The following ZNF404 variants were observed in gnomAD, a reference collection of about 807,000 sequenced individuals.
ZNF404 encodes the protein zinc finger protein 404.
Under a neutral mutation model 7.3 loss-of-function variants are expected in ZNF404, and 7 were observed. That is an observed-to-expected ratio of 0.95 (90% confidence interval 0.54 to 1.79). The LOEUF (loss-of-function observed/expected upper bound fraction) is 1.79, where lower values mean the gene tolerates loss of function less well. Among genes scored for constraint, ZNF404 ranks in the 40% most tolerant of loss-of-function variants. The pLI, the probability that ZNF404 is intolerant of heterozygous loss-of-function variation, is 0.00. For missense variants in ZNF404, 560 were observed against 661.5 expected (o/e 0.85, Z 1.68); for synonymous variants, 191 against 209.9 (o/e 0.91, Z 0.78).
At chr19:43,876,286 C>G (rs1971849855) in intron 2 of ZNF404, among the ~76,000 whole-genome samples, 1 of 151,862 alleles carries the variant, frequency 6.6e-6, no homozygotes, top group Non-Finnish European at 1.5e-5. Context: ...TGTACTCTAG[C>G]CTGGGCGACA....
chr19:43,873,509 T>A lies in ZNF404; in HGVS notation c.705A>T (p.Lys235Asn), dbSNP rs1486129852. 6.2e-7 allele frequency: 1 copy of A among 1,613,486 alleles called. No individual in the cohort carries two copies. The highest frequency in any genetic ancestry group is 8.5e-7 in the Non-Finnish European group (1 of 1,179,566). Residue 235 changes from lysine (K) to asparagine (N), a missense_variant, in exon 3 of 3, where the codon AAA becomes AAT. By Grantham distance (94) the Lys-to-Asn change is moderately conservative (BLOSUM62 0). Transcript: ENST00000587539. ...RRHSHLTEHQ[K>N]IHVGLKPFEC... ...CAAAGGGTTTCAAGCCAACATGAAT[T>A]TTCTGATGTTCTGTAAGGTGAGAAT...
At chr19:43,879,283 A>C (rs1971876260) in intron 2 of ZNF404, among the ~76,000 whole-genome samples, 1 of 152,212 alleles carries the variant, frequency 6.6e-6, no homozygotes. Flanking sequence ...AAAACAGAAT[A>C]AGTGAGCTGG....
chr19:43,874,458 A>G (rs1281602874), intron 2 of ZNF404, among the ~76,000 whole-genome samples: 1 of 102,488 alleles, frequency 9.8e-6, no homozygotes, highest in African/African-American at 3.8e-5. Flanking sequence ...TGCTCTCTAT[A>G]TAATTGTCAG....
In ZNF404 at chr19:43,880,063, C is replaced by T. The variant is rs372787761; in HGVS notation, c.83G>A (p.Arg28Lys). 8 of 1,613,654 alleles carry T rather than the reference C, an allele frequency of 5.0e-6. No individual in the cohort carries two copies. Among genetic ancestry groups the T allele is most frequent in the Admixed American group, 1.7e-5 (1 of 59,988 alleles). ...EEWEYLNSDQRDLYRDVMLEN... is the reference protein window; with the variant it reads ...EEWEYLNSDQKDLYRDVMLEN... Reference sequence around the variant, plus strand: ...CAACATCACATCTCTGTACAAATCCCTCTGATCCGAGTTTAAATATTCCCA... The same window carrying T: ...CAACATCACATCTCTGTACAAATCCTTCTGATCCGAGTTTAAATATTCCCA... The change falls in exon 2 of 3, where the codon AGG (arginine) becomes AAG (lysine). Residue 28 changes from arginine to lysine, a missense_variant. Transcript: ENST00000587539.
chr19:43,881,035 A>G (rs1044560145), intron 1 of ZNF404, among the ~76,000 whole-genome samples: 1 of 152,210 alleles, frequency 6.6e-6, no homozygotes, highest in Non-Finnish European at 1.5e-5. Context: ...ACAAAAGCCA[A>G]CATCCACTGC....
intron 2 of ZNF404, among the ~76,000 whole-genome samples, chr19:43,874,368 T>C (rs539300033): frequency 6.6e-6 from 1 of 152,180 alleles, no homozygotes; most frequent in African/African-American, 2.4e-5. Context: ...TACACTATCT[T>C]TTAGATATCC....
intron 2 of ZNF404, 62 bp from the exon 3 acceptor site, chr19:43,874,139 A>G: frequency 8.8e-7 from 1 of 1,131,222 alleles, no homozygotes; most frequent in Non-Finnish European, 1.2e-6. Flanking sequence ...GGGAGAGGAC[A>G]TCTATATTAA....
At chr19:43,874,707 G>A (rs1971839910) in intron 2 of ZNF404, among the ~76,000 whole-genome samples, 1 of 152,018 alleles carries the variant, frequency 6.6e-6, no homozygotes, top group South Asian at 2.1e-4. Flanking sequence ...CTAACTTTAA[G>A]TAAATTCATA....
chr19:43,876,851 C>A (rs1224217521), intron 2 of ZNF404, among the ~76,000 whole-genome samples: 1 of 152,138 alleles, frequency 6.6e-6, no homozygotes, highest in African/African-American at 2.4e-5. Context: ...ATAAAAAATT[C>A]AACAAACCCA....
chr19:43,876,503 G>A (rs117593143), intron 2 of ZNF404, among the ~76,000 whole-genome samples: 2 of 151,428 alleles, frequency 1.3e-5, no homozygotes, highest in Admixed American at 1.3e-4. Context: ...ATGACAAGGG[G>A]GAAATGACCA....
chr19:43,874,583 C>A (rs1971838951), intron 2 of ZNF404, among the ~76,000 whole-genome samples: 1 of 152,156 alleles, frequency 6.6e-6, no homozygotes, highest in African/African-American at 2.4e-5. Context: ...TATTGTACCA[C>A]ATTGCATCTT....
chr19:43,872,935 T>G lies in ZNF404; in HGVS notation c.1279A>C (p.Lys427Gln). The part of the protein sequence containing the change: ...GKAFSRVGDL[K>Q]THQSIHAGEK... ...CCAGCATGAATTGATTGATGTGTCT[T>G]AAGGTCTCCAACACGACTGAAGGCT... The change falls in exon 3 of 3, where the codon AAG (lysine) becomes CAG (glutamine). Residue 427 changes from lysine to glutamine, a missense_variant. Coordinates refer to ENST00000587539, the MANE Select transcript of ZNF404 (RefSeq NM_001033719.3). The surrounding 1 kb of genome is among the most constrained non-coding windows in gnomAD (Gnocchi z 4.4). 6.2e-7 allele frequency: 1 copy of G among 1,607,986 alleles called. No individual in the cohort carries two copies. The highest frequency in any genetic ancestry group is 1.3e-5 in the African/African-American group (1 of 74,952).
intron 2 of ZNF404, among the ~76,000 whole-genome samples, chr19:43,877,187 T>C (rs983392151): frequency 2.6e-5 from 4 of 152,190 alleles, no homozygotes; most frequent in Admixed American, 2.6e-4. Flanking sequence ...TTGTAACTTG[T>C]CTATAACTCT....
In ZNF404 at chr19:43,872,675, A is replaced by T; in HGVS notation, c.1539T>A (p.His513Gln). 1 of 1,613,354 alleles carries T rather than the reference A, an allele frequency of 6.2e-7. No homozygotes were observed. Among genetic ancestry groups the T allele is most frequent in the South Asian group, 1.1e-5 (1 of 91,020 alleles). The change falls in exon 3 of 3, where the codon CAT becomes CAA. Residue 513 changes from histidine (H) to glutamine (Q), a missense_variant. Transcript: ENST00000587539. The surrounding 1 kb of genome is among the most constrained non-coding windows in gnomAD (Gnocchi z 4.4). Reference sequence around the variant, plus strand: ...GTTTCACACCAGTATGAATTGTCTCATGTTGAGTAAGTCGATCACTGCGAT... The same window carrying T: ...GTTTCACACCAGTATGAATTGTCTCTTGTTGAGTAAGTCGATCACTGCGAT... ...AFNRSDRLTQ[H>Q]ETIHTGVKPQ...
At chr19:43,876,046 A>G (rs966791054) in intron 2 of ZNF404, among the ~76,000 whole-genome samples, 1 of 152,202 alleles carries the variant, frequency 6.6e-6, no homozygotes, top group African/African-American at 2.4e-5. Context: ...GAAAACAGCC[A>G]GGCTCAATGG....
At chr19:43,878,877 C>T (rs78271391) in intron 2 of ZNF404, among the ~76,000 whole-genome samples, 1 of 152,198 alleles carries the variant, frequency 6.6e-6, no homozygotes, top group South Asian at 2.1e-4. Context: ...TGTCATCAGC[C>T]TGCATTCTAT....
chr19:43,872,544 TTTC>T lies in ZNF404; in HGVS notation c.*8_*10del. ...GTAAAAATGTGCCATGGCTAAAGGCTTTCCCTCTCATTACATTAAGAGTCTCTC... is the reference window on the plus strand; with the variant it reads ...GTAAAAATGTGCCATGGCTAAAGGCTCCTCTCATTACATTAAGAGTCTCTC... On this transcript the variant is annotated 3_prime_UTR_variant, in exon 3 of 3. Coordinates refer to ENST00000587539, the MANE Select transcript of ZNF404 (RefSeq NM_001033719.3). The surrounding 1 kb of genome is among the most constrained non-coding windows in gnomAD (Gnocchi z 4.4). 1 of 1,570,758 alleles carries T rather than the reference TTTC, an allele frequency of 6.4e-7. No homozygotes were observed. The highest frequency in any genetic ancestry group is 8.6e-7 in the Non-Finnish European group (1 of 1,158,866).
At chr19:43,881,724 AG>A in intron 1 of ZNF404, 1 of 152,392 alleles carries the variant, frequency 6.6e-6, no homozygotes, top group Non-Finnish European at 1.5e-5. Flanking sequence ...TCGGAGGGTG[AG>A]GCAGGCGGAT....
chr19:43,877,974 G>T (rs1971863360), intron 2 of ZNF404, among the ~76,000 whole-genome samples: 1 of 135,914 alleles, frequency 7.4e-6, no homozygotes, highest in Admixed American at 7.7e-5. Context: ...TCTTAATCCA[G>T]TCTATCATTG....
Sources: gnomAD v4.1 joint callset for allele counts (sites outside exome capture counted in the v4.1 genomes callset) on GRCh38, gnomAD v4.1.1 for gene constraint, Gnocchi (gnomAD v3.1) non-coding constraint, MANE v1.5 for transcripts, NCBI Gene and HGNC (gene_info 2026-07-23, HGNC 2026-07-21) for gene names.